The following CHD8 variants were observed in gnomAD, a reference collection of about 807,000 sequenced individuals.
CHD8 encodes the protein ATP-dependent chromatin remodeler CHD8.
CHD8 carries 31 observed loss-of-function variants against 279.2 expected under a neutral mutation model. That is an observed-to-expected ratio of 0.11 (90% CI 0.08 to 0.15). CHD8 has a LOEUF of 0.15. Among genes scored for constraint, CHD8 ranks in the 10% least tolerant of loss-of-function variants. CHD8 has a pLI of 1.00. For synonymous variants in CHD8, 1,081 were observed against 1,139.6 expected, an observed-to-expected ratio of 0.95 and a Z score of 1.04; for missense variants, 2,146 against 3,230.5, an observed-to-expected ratio of 0.66 and a Z score of 8.14.
intron 37 of CHD8, among the ~76,000 whole-genome samples, chr14:21,386,875 AGTT>A (rs1175017362): frequency 6.6e-6 from 1 of 152,086 alleles, no homozygotes; most frequent in Non-Finnish European, 1.5e-5. Flanking sequence ...CCTGATGGCA[AGTT>A]GTTCACTTGT....
At chr14:21,429,357 G>T (rs752474839) in intron 2 of CHD8, 22 bp from the exon 3 acceptor site, 3 of 1,600,938 alleles carry the variant, frequency 1.9e-6, no homozygotes, top group Admixed American at 1.7e-5. Context: ...AAAGGAAATT[G>T]CAAGAGTACA....
intron 32 of CHD8, 103 bp from the exon 33 acceptor site, chr14:21,393,357 C>A: frequency 1.3e-6 from 2 of 1,532,280 alleles, no homozygotes; most frequent in Non-Finnish European, 1.8e-6. Flanking sequence ...GAATGGCACT[C>A]TTTTGACATT....
intron 1 of CHD8, among the ~76,000 whole-genome samples, chr14:21,439,366 C>T (rs1889899846): frequency 6.6e-6 from 1 of 152,164 alleles, no homozygotes; most frequent in African/African-American, 2.4e-5. Flanking sequence ...CCTCAACAGT[C>T]TCTAAAACCT....
rs1350954877 is a variant in CHD8, at chr14:21,400,136, T to A, written c.4727+15A>T. On this transcript the variant is annotated intron_variant, in intron 24 of 37. Transcript: ENST00000646647. The surrounding 1 kb of genome is among the most constrained non-coding windows in gnomAD (Gnocchi z 4.2). ...GAAGTTTGAGGTGGAAAATGTCTGC[T>A]AATTCTATGCTTACTTGTTACACTG... 1.9e-6 allele frequency: 3 copies of A among 1,613,778 alleles called. No individual in the cohort carries two copies. Among genetic ancestry groups the A allele is most frequent in the Non-Finnish European group, 2.5e-6 (3 of 1,179,810 alleles).
At chr14:21,444,397 C>T (rs541787241) in intron 1 of CHD8, among the ~76,000 whole-genome samples, 4 of 152,326 alleles carry the variant, frequency 2.6e-5, no homozygotes, top group Admixed American at 6.5e-5. Context: ...AGCTTGAGTG[C>T]ACACTCTAGC....
chr14:21,392,076 C>A, intron 34 of CHD8, 130 bp from the exon 35 acceptor site: 1 of 781,250 alleles, frequency 1.3e-6, no homozygotes, highest in Non-Finnish European at 2.3e-6. Flanking sequence ...GGCCATCTGA[C>A]TAAAGGGTAA....
intron 1 of CHD8, chr14:21,437,201 G>A: frequency 8.5e-7 from 1 of 1,181,882 alleles, no homozygotes; most frequent in South Asian, 1.5e-5. Flanking sequence ...TACCTGCAGT[G>A]GCTGTGGGGG....
intron 4 of CHD8, 123 bp downstream of exon 4, chr14:21,427,746 C>T: frequency 2.6e-6 from 4 of 1,525,088 alleles, no homozygotes; most frequent in South Asian, 2.6e-5. Context: ...TGAGCTTGCT[C>T]TTGCCCTTTG....
chr14:21,431,356 G>A lies in CHD8; in HGVS notation c.288C>T (p.Thr96=). ...GCTGCTCCTGGCTGGCAGGCTGAGT[G>A]GTATAATCATGCAAGGTTATGGATT... ...APESITLHDY[T]TQPASQEQPA... is the part of the protein sequence containing the mutation. Residue 96 remains threonine (T), a synonymous_variant, in exon 2 of 38, where the codon ACC becomes ACT. Coordinates refer to ENST00000646647, the MANE Select transcript of CHD8 (RefSeq NM_001170629.2). 1 of 1,537,770 alleles carries A rather than the reference G, an allele frequency of 6.5e-7. No homozygotes were observed. The highest frequency in any genetic ancestry group is 1.4e-5 in the African/African-American group (1 of 73,184).
intron 21 of CHD8, 43 bp from the exon 22 acceptor site, chr14:21,401,114 G>A: frequency 7.1e-7 from 1 of 1,414,632 alleles, no homozygotes; most frequent in Non-Finnish European, 9.6e-7. Context: ...TTCCTGATTT[G>A]CTCATGGGAA....
intron 1 of CHD8, among the ~76,000 whole-genome samples, chr14:21,433,651 G>A (rs992313348): frequency 2.0e-5 from 3 of 152,118 alleles, no homozygotes; most frequent in Admixed American, 2.0e-4. Flanking sequence ...GAACAAACAC[G>A]TGAGTCAAAA....
chr14:21,397,287 C>A, intron 27 of CHD8: 1 of 515,650 alleles, frequency 1.9e-6, no homozygotes, highest in Non-Finnish European at 3.9e-6. Flanking sequence ...CCAACTGTTT[C>A]ACATGCCCCT....
In CHD8 at chr14:21,393,790, T is replaced by A; in HGVS notation, c.6005A>T (p.Asp2002Val). The change falls in exon 32 of 38, where the codon GAT (aspartate) becomes GTT (valine). Residue 2002 changes from aspartate (D) to valine (V), a missense_variant. By Grantham distance (152) the Asp-to-Val change is radical. This residue lies in a region of CHD8 where 513 missense variants were observed against 637.6 expected (regional missense o/e 0.80). Transcript: ENST00000646647. The stretch of plus-strand genomic sequence containing the variant: ...CTCGGGTGACTTTTCAACAGGAGCA[T>A]CTGGGCGCAGGGGCAGTGGTGAGGC... ...RTASPLPLRPDAPVEKSPEET... is the reference protein window; with the variant it reads ...RTASPLPLRPVAPVEKSPEET... 4.3e-6 allele frequency: 7 copies of A among 1,613,914 alleles called. No individual in the cohort carries two copies. The highest frequency in any genetic ancestry group is 5.9e-6 in the Non-Finnish European group (7 of 1,179,870).
chr14:21,400,092 C>T lies in CHD8; in HGVS notation c.4728-22G>A, dbSNP rs1287598841. ...TACCCTAGAAAGGACAGAGGAAGAG[C>T]TGGCTCAGTAACACTGTAGAAGTTT... On this transcript the variant is annotated intron_variant, in intron 24 of 37. Coordinates refer to ENST00000646647, the MANE Select transcript of CHD8 (RefSeq NM_001170629.2). The surrounding 1 kb of genome is among the most constrained non-coding windows in gnomAD (Gnocchi z 4.2). The T allele has an allele frequency of 5.0e-6, 8 of 1,613,276 alleles. No individual in the cohort carries two copies. In the Admixed American group the frequency reaches 1.0e-4, roughly 20 times the overall value.
At position 21,408,232 on chromosome 14, in the gene CHD8, A is replaced by T; in HGVS notation, c.2730+80T>A. 3 of 1,358,164 alleles carry T rather than the reference A, an allele frequency of 2.2e-6. No homozygotes were observed. The highest frequency in any genetic ancestry group is 3.1e-6 in the Non-Finnish European group (3 of 983,214). 84.1% of individuals were successfully genotyped at this position (1,358,164 alleles called of 1,614,324 possible). On this transcript the variant is annotated intron_variant, in intron 13 of 37. Coordinates refer to ENST00000646647, the MANE Select transcript of CHD8 (RefSeq NM_001170629.2). This position sits in a 1 kb window ranked among gnomAD's most constrained non-coding sequence, Gnocchi z 4.3. ...TGAAGACTTTCAATAAAAGTCTTCTATTCATATATAGCCCTTAAAATACCA... is the reference window on the plus strand; with the variant it reads ...TGAAGACTTTCAATAAAAGTCTTCTTTTCATATATAGCCCTTAAAATACCA...
chr14:21,444,683 C>CA (rs986419054), intron 1 of CHD8, among the ~76,000 whole-genome samples: 1 of 152,062 alleles, frequency 6.6e-6, no homozygotes, highest in African/African-American at 2.4e-5. Flanking sequence ...AGTTTTCCTT[C>CA]AATCTATTTA....
In CHD8 at chr14:21,385,803, G is replaced by A; in HGVS notation, c.7556C>T (p.Ser2519Leu). The change falls in exon 38 of 38, where the codon TCA becomes TTA. Residue 2519 changes from serine (S) to leucine (L), a missense_variant. Around this residue, in one of 26 missense-constraint regions of CHD8, gnomAD observed 336 missense variants for 392.9 expected, o/e 0.86. Transcript: ENST00000646647. ...PGLRAPGYPSSPVTTASGTTL... is the reference protein window; with the variant it reads ...PGLRAPGYPSLPVTTASGTTL... Reference sequence around the variant, plus strand: ...AGTACCAGAGGCGGTAGTCACTGGTGAAGAGGGGTAGCCAGGGGCTCTCAA... The same window carrying A: ...AGTACCAGAGGCGGTAGTCACTGGTAAAGAGGGGTAGCCAGGGGCTCTCAA... The A allele has an allele frequency of 6.7e-7, 1 of 1,501,336 alleles. No homozygotes were observed. Among genetic ancestry groups the A allele is most frequent in the African/African-American group, 1.4e-5 (1 of 70,496 alleles). 93.0% of individuals were successfully genotyped at this position (1,501,336 alleles called of 1,614,324 possible).
chr14:21,443,706 A>G (rs571191292), intron 1 of CHD8, among the ~76,000 whole-genome samples: 13 of 151,630 alleles, frequency 8.6e-5, no homozygotes, highest in Admixed American at 8.5e-4. Flanking sequence ...ATAACAGAAA[A>G]TTAGCTAGGT....
chr14:21,446,604 C>T (rs906133217), intron 1 of CHD8, among the ~76,000 whole-genome samples: 2 of 152,236 alleles, frequency 1.3e-5, no homozygotes, highest in Non-Finnish European at 2.9e-5. Flanking sequence ...TGAGCCACAG[C>T]TCCTGGCTTC....
Sources: allele counts gnomAD v4.1 joint callset (sites outside exome capture counted in the v4.1 genomes callset), GRCh38; gene constraint gnomAD v4.1.1; regional missense constraint gnomAD v4.1.1; non-coding constraint Gnocchi (gnomAD v3.1); transcripts MANE v1.5; gene names NCBI Gene and HGNC (gene_info 2026-07-23, HGNC 2026-07-21).